RRH: variants seen among roughly 807,000 people sequenced by gnomAD.
The protein encoded by RRH is visual pigment-like receptor peropsin.
In RRH, 36 loss-of-function variants were observed where a neutral mutation model predicts 33.1. That is an observed-to-expected ratio of 1.09 (90% CI 0.83 to 1.44). The LOEUF (loss-of-function observed/expected upper bound fraction) is 1.44, where lower values mean the gene tolerates loss of function less well. RRH is among the 40% of genes most tolerant of loss of function. RRH has a pLI of 0.00. For missense variants in RRH, 393 were observed against 420.2 expected, an observed-to-expected ratio of 0.94 and a Z score of 0.57; for synonymous variants, 124 against 140.2, an observed-to-expected ratio of 0.88 and a Z score of 0.82.
chr4:109,833,731 T>C (rs1733813360), intron 2 of RRH, among the ~76,000 whole-genome samples: 1 of 152,234 alleles, frequency 6.6e-6, no homozygotes, highest in Non-Finnish European at 1.5e-5. Flanking sequence ...AATTTTTTCC[T>C]ATAGAAAGTC....
Position 109,844,404 on chromosome 4 carries a change from C to T in RRH, c.*207C>T, listed in dbSNP as rs551265107. The T allele has an allele frequency of 1.6e-4, 74 of 468,392 alleles. No individual in the cohort carries two copies. The highest frequency in any genetic ancestry group is 1.3e-3 in the African/African-American group (66 of 50,390). The allele number at this position is 468,392 out of a possible 1,614,324, so 29.0% of individuals were successfully genotyped here. Reference sequence around the variant, plus strand: ...TGTCCTGATATATCAACTTATTGCTCATCTCCTTTGATGAATTAGGCATCA... The same window carrying T: ...TGTCCTGATATATCAACTTATTGCTTATCTCCTTTGATGAATTAGGCATCA... On this transcript the variant is annotated 3_prime_UTR_variant, in exon 7 of 7. Transcript: ENST00000317735.
chr4:109,835,949 T>C, intron 3 of RRH, 58 bp from the exon 4 acceptor site: 1 of 1,605,068 alleles, frequency 6.2e-7, no homozygotes, highest in Non-Finnish European at 8.5e-7. Context: ...CAAGCAAGTT[T>C]AAAAAGTGAG....
intron 1 of RRH, among the ~76,000 whole-genome samples, chr4:109,828,819 A>G (rs1733689862): frequency 6.6e-6 from 1 of 152,068 alleles, no homozygotes; most frequent in African/African-American, 2.4e-5. Flanking sequence ...AGAATAAGTT[A>G]TCTGTCATGA....
At chr4:109,835,897 CA>C in intron 3 of RRH, 109 bp from the exon 4 acceptor site, 1 of 1,371,968 alleles carries the variant, frequency 7.3e-7, no homozygotes, top group Non-Finnish European at 1.0e-6. Context: ...TAAGGCCAAT[CA>C]AAGTGCTCTG....
intron 5 of RRH, 51 bp downstream of exon 5, chr4:109,837,656 T>C (rs776052540): frequency 1.4e-6 from 2 of 1,474,588 alleles, no homozygotes; most frequent in East Asian, 4.7e-5. Flanking sequence ...TTTTACCCAC[T>C]CATAGTTGAA....
intron 5 of RRH, among the ~76,000 whole-genome samples, chr4:109,839,880 T>A (rs908328509): frequency 4.6e-5 from 7 of 152,216 alleles, no homozygotes; most frequent in African/African-American, 1.4e-4. Context: ...TTAGGTTAAT[T>A]CCATGTCATG....
At chr4:109,842,676 CA>C in intron 6 of RRH, 29 bp downstream of exon 6, 1 of 1,555,526 alleles carries the variant, frequency 6.4e-7, no homozygotes, top group Non-Finnish European at 8.9e-7. Context: ...GCTTGCAGTA[CA>C]AAATAAAACT....
rs767089607 is a variant in RRH at position 109,833,320 on chromosome 4, A to T, written c.288A>T (p.Ala96=). The change falls in exon 2 of 7, where the codon GCA becomes GCT. Residue 96 remains alanine (A), a synonymous_variant. Coordinates refer to ENST00000317735, the MANE Select transcript of RRH (RefSeq NM_006583.5). ...DLYGSWKFGY[A]GCQVYAGLNI... ...ATGGAAGTTGGAAATTTGGATACGC[A>T]GGCTGTCAGGTATTGGAGATCATTG... 1.1e-5 allele frequency: 18 copies of T among 1,613,672 alleles called. No homozygotes were observed. Among genetic ancestry groups the T allele is most frequent in the Non-Finnish European group, 1.5e-5 (18 of 1,179,710 alleles).
In RRH at chr4:109,837,508, G is replaced by T; in HGVS notation, c.623G>T (p.Cys208Phe). 1 of 1,613,432 alleles carries T rather than the reference G, an allele frequency of 6.2e-7. No homozygotes were observed. The highest frequency in any genetic ancestry group is 1.3e-5 in the African/African-American group (1 of 75,006). The change falls in exon 5 of 7, where the codon TGC becomes TTC. Residue 208 changes from cysteine (C) to phenylalanine (F), a missense_variant. Transcript: ENST00000317735. ...FIVPLTVMFYCYYHVTLSIKH... is the reference protein window; with the variant it reads ...FIVPLTVMFYFYYHVTLSIKH... ...GTGCCCTTGACAGTGATGTTTTACT[G>T]CTATTACCATGTCACGCTATCCATT...
chr4:109,832,395 A>C (rs1733774521), intron 1 of RRH, among the ~76,000 whole-genome samples: 1 of 150,870 alleles, frequency 6.6e-6, no homozygotes, highest in South Asian at 2.1e-4. Context: ...AAACTTGATT[A>C]AGGTGGTATC....
At chr4:109,842,387 G>C in intron 5 of RRH, 82 bp from the exon 6 acceptor site, 1 of 1,308,744 alleles carries the variant, frequency 7.6e-7, no homozygotes, top group Non-Finnish European at 1.1e-6. Flanking sequence ...TTCCAACCCA[G>C]ATAGATTTTT....
At position 109,844,175 on chromosome 4, in the gene RRH, C is replaced by A; in HGVS notation, c.992C>A (p.Pro331Gln). Residue 331 changes from proline (P) to glutamine (Q), a missense_variant, in exon 7 of 7, where the codon CCA (proline) becomes CAA (glutamine). Physicochemically the swap from Pro to Gln is moderately conservative, Grantham distance 76 (BLOSUM62 -1). Transcript: ENST00000317735. ...SILPMDVSQN[P>Q]LASGRI ...TTACCCATGGATGTATCTCAAAACC[C>A]ATTGGCTTCTGGAAGAATCTGAAAT... 6.2e-7 allele frequency: 1 copy of A among 1,610,756 alleles called. No homozygotes were observed. Among genetic ancestry groups the A allele is most frequent in the South Asian group, 1.1e-5 (1 of 90,988 alleles).
intron 3 of RRH, among the ~76,000 whole-genome samples, chr4:109,835,771 G>C (rs990192430): frequency 3.3e-5 from 5 of 149,402 alleles, no homozygotes; most frequent in Non-Finnish European, 5.9e-5. Flanking sequence ...TCTCATTTAG[G>C]TTTCAGCTTA....
intron 6 of RRH, among the ~76,000 whole-genome samples, chr4:109,843,101 C>T (rs1734013864): frequency 6.6e-6 from 1 of 152,210 alleles, no homozygotes; most frequent in Non-Finnish European, 1.5e-5. Flanking sequence ...AGAAATAAGA[C>T]ATATCATTCA....
chr4:109,833,252 GT>G lies in RRH; in HGVS notation c.221del (p.Val74AlafsTer31). On this transcript the variant is annotated frameshift_variant, in exon 2 of 7. Coordinates refer to ENST00000317735, the MANE Select transcript of RRH (RefSeq NM_006583.5). LOFTEE classifies it high-confidence loss of function. Reference protein sequence around the residue: ...IINLAVTDIGVSSIGYPMSAA... With the variant: ...IINLAVTDIGXSSIGYPMSAA... ...TAACCTGGCTGTTACTGATATAGGG[GT>G]CAGTAGCATTGGCTATCCCATGTCT... is the stretch of plus-strand genomic sequence containing the variant. The G allele has an allele frequency of 6.2e-7, 1 of 1,613,730 alleles. No homozygotes were observed. Among genetic ancestry groups the G allele is most frequent in the Non-Finnish European group, 8.5e-7 (1 of 1,179,680 alleles).
chr4:109,835,869 C>T, intron 3 of RRH, 138 bp from the exon 4 acceptor site: 1 of 898,272 alleles, frequency 1.1e-6, no homozygotes. Context: ...TTAGGTGTTG[C>T]ACTCATGTTT....
intron 6 of RRH, among the ~76,000 whole-genome samples, chr4:109,843,486 G>A (rs900374469): frequency 2.0e-5 from 3 of 152,252 alleles, no homozygotes; most frequent in African/African-American, 7.2e-5. Context: ...TGGGATTACA[G>A]GCGTGAGCCA....
intron 5 of RRH, among the ~76,000 whole-genome samples, chr4:109,837,812 A>G (rs1733914792): frequency 6.9e-6 from 1 of 145,378 alleles, no homozygotes; most frequent in Non-Finnish European, 1.5e-5. Context: ...TTTCACTCTT[A>G]TCGTCCAGGC....
chr4:109,842,383 C>T, intron 5 of RRH, 86 bp from the exon 6 acceptor site: 7 of 1,249,844 alleles, frequency 5.6e-6, no homozygotes, highest in Non-Finnish European at 7.9e-6. Context: ...CAAATTCCAA[C>T]CCAGATAGAT....
Sources: gnomAD v4.1 joint callset for allele counts (sites outside exome capture counted in the v4.1 genomes callset) on GRCh38, gnomAD v4.1.1 for gene constraint, MANE v1.5 for transcripts, NCBI Gene and HGNC (gene_info 2026-07-23, HGNC 2026-07-21) for gene names.